The following RNF168 variants were observed in gnomAD, a reference collection of about 807,000 sequenced individuals.
RNF168 encodes ring finger protein 168.
A neutral mutation model predicts 34.9 loss-of-function variants in RNF168; 34 were observed. The observed-to-expected ratio is 0.97, with a 90% CI of 0.74 to 1.30. RNF168 has a LOEUF of 1.30. Ranked by LOEUF, RNF168 falls within the 50% of genes most tolerant of loss-of-function variation. The probability of loss-of-function intolerance (pLI) is 0.00; values close to 1 mark genes in which losing one functional copy is unlikely to be tolerated. For missense variants in RNF168, 725 were observed against 682.5 expected, an observed-to-expected ratio of 1.06 and a Z score of -0.69; for synonymous variants, 264 against 254.7, an observed-to-expected ratio of 1.04 and a Z score of -0.35.
intron 4 of RNF168, among the ~76,000 whole-genome samples, chr3:196,478,416 G>C (rs1732199633): frequency 6.6e-6 from 1 of 152,196 alleles, no homozygotes; most frequent in African/African-American, 2.4e-5. Flanking sequence ...CACTCTGGCT[G>C]TCTCTGCCCC....
At chr3:196,475,455 T>C (rs13090871) in intron 4 of RNF168, 143 bp from the exon 5 acceptor site, 36,097 of 674,574 alleles carry the variant, frequency 0.054, 1,222 homozygotes, top group Admixed American at 0.091. Flanking sequence ...GTGCTTCAGA[T>C]ATTTTGGTCA....
intron 1 of RNF168, among the ~76,000 whole-genome samples, chr3:196,491,724 G>A (rs573194257): frequency 2.6e-5 from 4 of 152,104 alleles, no homozygotes; most frequent in Non-Finnish European, 5.9e-5. Flanking sequence ...TACCGCTTCA[G>A]AGGACAGCCA....
intron 3 of RNF168, among the ~76,000 whole-genome samples, chr3:196,485,329 G>A (rs1040350933): frequency 2.0e-5 from 3 of 152,036 alleles, no homozygotes; most frequent in South Asian, 4.2e-4. Flanking sequence ...CCAACATGGT[G>A]AAACCCCATC....
Position 196,502,961 on chromosome 3 carries a change from G to A in RNF168, c.213C>T (p.Leu71=), listed in dbSNP as rs368261981. 3.0e-5 allele frequency: 48 copies of A among 1,613,958 alleles called. No homozygotes were observed. In the South Asian group the frequency reaches 3.6e-4, roughly 12 times the overall value. The change falls in exon 1 of 6, where the codon CTC becomes CTT. Residue 71 remains leucine (L), a synonymous_variant. Transcript: ENST00000318037. ...WTRYHTRRNS[L]VNVELWTIIQ... ...TTATCGTCCACAGTTCCACGTTGAC[G>A]AGAGAATTTCTTCGGGTATGGTACC...
Position 196,471,878 on chromosome 3 carries a change from G to A in RNF168, c.1657C>T (p.Leu553=). 2 of 1,614,034 alleles carry A rather than the reference G, an allele frequency of 1.2e-6. No homozygotes were observed. The highest frequency in any genetic ancestry group is 1.7e-6 in the Non-Finnish European group (2 of 1,179,952). The part of the protein sequence containing the change: ...HCKVSKSAHS[L]QPSISQKSVF... ...CTTTTCTGTGAAATGCTAGGCTGTA[G>A]GGAGTGAGCACTTTTGGATACCTTA... Residue 553 remains leucine (L), a synonymous_variant, in exon 6 of 6, where the codon CTA becomes TTA. Coordinates refer to ENST00000318037, the MANE Select transcript of RNF168 (RefSeq NM_152617.4).
chr3:196,493,439 C>T (rs73072955), intron 1 of RNF168, among the ~76,000 whole-genome samples: 2,710 of 152,250 alleles, frequency 0.018, 98 homozygotes, highest in African/African-American at 0.063. Context: ...ACTGCAGCCT[C>T]CAACCCCTTG....
At chr3:196,475,370 A>G (rs1435920930) in intron 4 of RNF168, 58 bp from the exon 5 acceptor site, 12 of 984,856 alleles carry the variant, frequency 1.2e-5, no homozygotes, top group South Asian at 1.0e-4. Flanking sequence ...TATGTACCCA[A>G]CATAATAAAG....
intron 4 of RNF168, among the ~76,000 whole-genome samples, chr3:196,479,611 T>G (rs572490424): frequency 3.3e-5 from 5 of 151,948 alleles, no homozygotes; most frequent in African/African-American, 9.7e-5. Context: ...TCACGCTTTT[T>G]TTTTTGAGAC....
At chr3:196,484,816 C>G (rs879889016) in intron 3 of RNF168, among the ~76,000 whole-genome samples, 1 of 151,994 alleles carries the variant, frequency 6.6e-6, no homozygotes, top group Non-Finnish European at 1.5e-5. Context: ...CCATGCCCAG[C>G]TACTTTTTTT....
intron 5 of RNF168, among the ~76,000 whole-genome samples, 175 bp from the exon 6 acceptor site, chr3:196,472,947 G>C (rs950943114): frequency 6.6e-6 from 1 of 151,820 alleles, no homozygotes. Flanking sequence ...TGTCGCCCAG[G>C]CTGGAGTGCA....
In RNF168 at chr3:196,500,997, C is replaced by A. The variant is rs537803139; in HGVS notation, c.301+1876G>T. 2.3e-3 allele frequency among the ~76,000 whole-genome samples: 354 copies of A among 152,292 alleles called. 4 individuals are homozygous for A. Among genetic ancestry groups the A allele is most frequent in the Non-Finnish European group, 3.7e-3 (251 of 68,014 alleles). ...AAGTGCTGGGATTACAGGCGTGAGCCGCCGCGCCCGGCCCCGCAATTTTTT... is the reference window on the plus strand; with the variant it reads ...AAGTGCTGGGATTACAGGCGTGAGCAGCCGCGCCCGGCCCCGCAATTTTTT... On this transcript the variant is annotated intron_variant, in intron 1 of 5. Transcript: ENST00000318037.
At chr3:196,494,457 T>C (rs891802030) in intron 1 of RNF168, among the ~76,000 whole-genome samples, 5 of 152,218 alleles carry the variant, frequency 3.3e-5, no homozygotes, top group Non-Finnish European at 5.9e-5. Context: ...GAATGTATAA[T>C]ACTGGATGAA....
intron 1 of RNF168, among the ~76,000 whole-genome samples, chr3:196,495,798 T>C (rs1004661872): frequency 2.6e-5 from 4 of 152,242 alleles, no homozygotes; most frequent in Non-Finnish European, 4.4e-5. Flanking sequence ...TTTGTAATTC[T>C]TGCCTGCATC....
chr3:196,501,673 T>C (rs758082641), intron 1 of RNF168, among the ~76,000 whole-genome samples: 2 of 152,332 alleles, frequency 1.3e-5, no homozygotes, highest in East Asian at 1.9e-4. Context: ...TGCTATTGAA[T>C]TGTACTTAAA....
rs777905240 is a variant in RNF168 at position 196,503,120 on chromosome 3, G to A, written c.54C>T (p.Ile18=). Residue 18 remains isoleucine (I), a synonymous_variant, in exon 1 of 6, where the codon ATC becomes ATT. Transcript: ENST00000318037. ...CGGGCTCCACGAGGATTTCCATGCA[G>A]ATCCCGCACTGGCACTCGGACAGCG... ...IPSLSECQCG[I]CMEILVEPVT... 8 of 1,614,158 alleles carry A rather than the reference G, an allele frequency of 5.0e-6. No homozygotes were observed. The highest frequency in any genetic ancestry group is 5.9e-6 in the Non-Finnish European group (7 of 1,180,002).
chr3:196,488,691 A>G lies in RNF168; in HGVS notation c.302-8T>C, dbSNP rs1192697661. ...CTGGCTGATAGTCATCAGCTATTTC[A>G]TATCAAAAAAGAAAATAACATTATA... On this transcript the variant is annotated splice_polypyrimidine_tract_variant and splice_region_variant and intron_variant, in intron 1 of 5. Coordinates refer to ENST00000318037, the MANE Select transcript of RNF168 (RefSeq NM_152617.4). The G allele has an allele frequency of 7.6e-6, 12 of 1,573,592 alleles. No individual in the cohort carries two copies. The highest frequency in any genetic ancestry group is 1.0e-5 in the Non-Finnish European group (12 of 1,144,084).
At chr3:196,494,391 T>C (rs912023712) in intron 1 of RNF168, among the ~76,000 whole-genome samples, 2 of 152,222 alleles carry the variant, frequency 1.3e-5, no homozygotes, top group African/African-American at 2.4e-5. Flanking sequence ...TAAGGAAATA[T>C]GTCCCCATGC....
intron 5 of RNF168, among the ~76,000 whole-genome samples, chr3:196,474,482 T>C (rs1304044558): frequency 2.9e-5 from 4 of 139,256 alleles, no homozygotes; most frequent in African/African-American, 1.1e-4. Flanking sequence ...AGTTTCACTC[T>C]TGTTGTCCAG....
At chr3:196,485,307 A>G (rs1055924830) in intron 3 of RNF168, among the ~76,000 whole-genome samples, 2 of 152,244 alleles carry the variant, frequency 1.3e-5, no homozygotes, top group East Asian at 3.9e-4. Flanking sequence ...CAGGAGTTCA[A>G]GACCAGCCTG....
Sources: allele counts gnomAD v4.1 joint callset (sites outside exome capture counted in the v4.1 genomes callset), GRCh38; gene constraint gnomAD v4.1.1; transcripts MANE v1.5; gene names NCBI Gene and HGNC (gene_info 2026-07-23, HGNC 2026-07-21).